Variants in AK1 observed in about 807,000 individuals in gnomAD.
The protein encoded by AK1 is adenylate kinase 1.
Under a neutral mutation model 23.9 loss-of-function variants are expected in AK1, and 13 were observed. The ratio of observed to expected loss-of-function variants is 0.54; its 90% CI spans 0.35 to 0.86. The LOEUF (loss-of-function observed/expected upper bound fraction) is 0.86. Ranked by LOEUF, AK1 falls within the 40% of genes least tolerant of loss-of-function variation. The pLI is 0.01. For missense variants in AK1, 214 were observed against 255.1 expected, an observed-to-expected ratio of 0.84 and a Z score of 1.10; for synonymous variants, 97 against 102.8, an observed-to-expected ratio of 0.94 and a Z score of 0.34.
chr9:127,873,861 C>T (rs1346801679), intron 2 of AK1: 42 of 985,294 alleles, frequency 4.3e-5, no homozygotes, highest in Non-Finnish European at 5.1e-5. Context: ...AAAGGCCTGC[C>T]CCTCTCTGGT....
In AK1 at chr9:127,868,573, C is replaced by T; in HGVS notation, c.325-61G>A. ...CTGCCCCCTAGGGCCATCTCCTCCC[C>T]ATCTTCCCATCTATGAAGCCCCAGT... On this transcript the variant is annotated intron_variant, in intron 5 of 6. Transcript: ENST00000644144. This position sits in a 1 kb window ranked among gnomAD's most constrained non-coding sequence, Gnocchi z 4.1. The T allele has an allele frequency of 6.5e-7, 1 of 1,530,378 alleles. No individual in the cohort carries two copies. The highest frequency in any genetic ancestry group is 8.8e-7 in the Non-Finnish European group (1 of 1,133,064). The allele number at this position is 1,530,378 out of a possible 1,614,324, so 94.8% of individuals were successfully genotyped here. A position where few individuals can be genotyped will look rare whatever the true frequency, so the allele number is the denominator to read the frequency against.
chr9:127,874,475 G>A, intron 2 of AK1, 136 bp downstream of exon 2: 2 of 1,594,356 alleles, frequency 1.3e-6, no homozygotes, highest in Admixed American at 3.4e-5. Flanking sequence ...GATACTGGAG[G>A]CTCCCAGCCA....
intron 2 of AK1, chr9:127,873,984 T>C (rs1399196570): frequency 1.0e-6 from 1 of 985,298 alleles, no homozygotes; most frequent in African/African-American, 1.7e-5. Flanking sequence ...TGTGGGCCCC[T>C]ATCCCGGGGG....
chr9:127,875,003 C>T (rs774941183), intron 1 of AK1: 2 of 286,238 alleles, frequency 7.0e-6, no homozygotes, highest in East Asian at 7.5e-5. Flanking sequence ...CCCCTCGAAA[C>T]TCCCAGAAAA....
At chr9:127,869,208 C>A (rs1462678180) in intron 5 of AK1, among the ~76,000 whole-genome samples, 1 of 152,196 alleles carries the variant, frequency 6.6e-6, no homozygotes, top group Non-Finnish European at 1.5e-5. Flanking sequence ...GCAGCCCCTG[C>A]CTCGCTCAAT....
chr9:127,869,944 A>G (rs1829348883), intron 5 of AK1, among the ~76,000 whole-genome samples: 2 of 152,348 alleles, frequency 1.3e-5, no homozygotes, highest in Middle Eastern at 3.4e-3. Context: ...GTGGGGCCTC[A>G]GTCTCCCTGT....
In AK1 at chr9:127,873,369, G is replaced by A. The variant is rs758869714; in HGVS notation, c.8-308C>T. On this transcript the variant is annotated intron_variant, in intron 2 of 6. Coordinates refer to ENST00000644144, the MANE Select transcript of AK1 (RefSeq NM_000476.3). The stretch of plus-strand genomic sequence containing the variant: ...CAGCCCTCATGGCGCCTCCCTGTGG[G>A]TGCCTGGACCCCGGGGCCGGTCACC... 7 of 1,569,956 alleles carry A rather than the reference G, an allele frequency of 4.5e-6. No individual in the cohort carries two copies. The Admixed American group carries it at 1.3e-4, about 29-fold the overall frequency.
chr9:127,879,175 GT>G (rs1829597060), upstream of AK1, among the ~76,000 whole-genome samples: 1 of 152,064 alleles, frequency 6.6e-6, no homozygotes, highest in African/African-American at 2.4e-5. Flanking sequence ...GCATAGGAAA[GT>G]TTTAAAGTGC....
At chr9:127,876,390 GGGA>G in intron 1 of AK1, among the ~76,000 whole-genome samples, 1 of 152,228 alleles carries the variant, frequency 6.6e-6, no homozygotes, top group African/African-American at 2.4e-5. Context: ...CTGAGGCATG[GGGA>G]GGAGGACAGA....
At chr9:127,874,670 T>A (rs1829496898) in intron 1 of AK1, 21 bp from the exon 2 acceptor site, 1 of 1,611,388 alleles carries the variant, frequency 6.2e-7, no homozygotes, top group Non-Finnish European at 8.5e-7. Context: ...AGGGCACAGG[T>A]TGGGGAGGGA....
At position 127,871,930 on chromosome 9, in the gene AK1, A is replaced by G; in HGVS notation, c.217T>C (p.Leu73=). Residue 73 remains leucine (L), a synonymous_variant, in exon 5 of 7, where the codon TTG becomes CTG. Coordinates refer to ENST00000644144, the MANE Select transcript of AK1 (RefSeq NM_000476.3). This position sits in a 1 kb window ranked among gnomAD's most constrained non-coding sequence, Gnocchi z 4.4. ...ACCATGGCATCCCGGAGCATGTCCA[A>G]CACTGTCTCCTGGGGCACAGCAAAG... The part of the protein sequence containing the change: ...KGQLVPLETV[L]DMLRDAMVAK... 1 of 1,613,850 alleles carries G rather than the reference A, an allele frequency of 6.2e-7. No individual in the cohort carries two copies. Among genetic ancestry groups the G allele is most frequent in the Non-Finnish European group, 8.5e-7 (1 of 1,179,860 alleles).
intron 1 of AK1, among the ~76,000 whole-genome samples, chr9:127,876,638 G>A (rs1829543186): frequency 6.6e-6 from 1 of 152,168 alleles, no homozygotes; most frequent in Admixed American, 6.5e-5. Context: ...GTGAAGCCCT[G>A]AGAAGTGGCC....
At position 127,867,964 on chromosome 9, in the gene AK1, G is replaced by T; in HGVS notation, c.*44C>A. The T allele has an allele frequency of 6.3e-7, 1 of 1,597,292 alleles. No homozygotes were observed. The highest frequency in any genetic ancestry group is 8.6e-7 in the Non-Finnish European group (1 of 1,164,772). On this transcript the variant is annotated 3_prime_UTR_variant, in exon 7 of 7. Transcript: ENST00000644144. ...GGCCAGGAGGACCTCGAATCAGGACGGGGTGGGGCGGGGCTCTGAGCTGGG... is the reference window on the plus strand; with the variant it reads ...GGCCAGGAGGACCTCGAATCAGGACTGGGTGGGGCGGGGCTCTGAGCTGGG...
Position 127,868,450 on chromosome 9 carries a change from G to T in AK1, c.387C>A (p.Leu129=). ...GCCCGCTGGTCTCTCCACGTTTCAA[G>T]AGCCGCTGGGTCATGGTCTCAGGGC... The part of the protein sequence containing the change: ...DAGPETMTQR[L]LKRGETSGRV... The change falls in exon 6 of 7, where the codon CTC becomes CTA. Residue 129 remains leucine (L), a synonymous_variant. Transcript: ENST00000644144. This position sits in a 1 kb window ranked among gnomAD's most constrained non-coding sequence, Gnocchi z 4.1. The T allele has an allele frequency of 6.2e-7, 1 of 1,609,606 alleles. No homozygotes were observed. The highest frequency in any genetic ancestry group is 8.5e-7 in the Non-Finnish European group (1 of 1,178,038).
At chr9:127,876,142 T>A (rs939623005) in intron 1 of AK1, among the ~76,000 whole-genome samples, 5 of 152,160 alleles carry the variant, frequency 3.3e-5, no homozygotes, top group African/African-American at 1.2e-4. Flanking sequence ...TTTCCCCACC[T>A]TGCTATTGTG....
Position 127,871,470 on chromosome 9 carries a change from C to G in AK1, c.324+353G>C, listed in dbSNP as rs1267116903. ...CCCACACTGGAAGGGCACATCCTCT[C>G]CAGTCCCCACACTGTCCCTTAAGGC... On this transcript the variant is annotated intron_variant, in intron 5 of 6. Transcript: ENST00000644144. This position sits in a 1 kb window ranked among gnomAD's most constrained non-coding sequence, Gnocchi z 4.4. 2.0e-5 allele frequency among the ~76,000 whole-genome samples: 3 copies of G among 151,494 alleles called. No individual in the cohort carries two copies. The highest frequency in any genetic ancestry group is 7.4e-5 in the African/African-American group (3 of 40,798).
At chr9:127,869,515 G>C (rs1212781554) in intron 5 of AK1, 1 of 152,414 alleles carries the variant, frequency 6.6e-6, no homozygotes, top group Non-Finnish European at 1.5e-5. Flanking sequence ...GCGTCAGACT[G>C]ACCTGGACCC....
rs557722571 is a variant in AK1 at position 127,871,077 on chromosome 9, C to T, written c.324+746G>A. ...TGTGCAGGAGTGCAGTATCCACTGC[C>T]GTGTGTGTGCATGTGTGCACATGCC... On this transcript the variant is annotated intron_variant, in intron 5 of 6. Transcript: ENST00000644144. This position sits in a 1 kb window ranked among gnomAD's most constrained non-coding sequence, Gnocchi z 4.4. 2.6e-4 allele frequency among the ~76,000 whole-genome samples: 40 copies of T among 151,906 alleles called. 3 individuals carry two copies. Among genetic ancestry groups the T allele is most frequent in the African/African-American group, 9.0e-4 (37 of 41,158 alleles).
intron 1 of AK1, among the ~76,000 whole-genome samples, chr9:127,876,594 G>A (rs1455543101): frequency 6.6e-6 from 1 of 152,198 alleles, no homozygotes; most frequent in Non-Finnish European, 1.5e-5. Context: ...GCTGCCCATG[G>A]GAGGGGGAGC....
Sources: allele counts gnomAD v4.1 joint callset (sites outside exome capture counted in the v4.1 genomes callset), GRCh38; gene constraint gnomAD v4.1.1; non-coding constraint Gnocchi (gnomAD v3.1); transcripts MANE v1.5; gene names NCBI Gene and HGNC (gene_info 2026-07-23, HGNC 2026-07-21).